Variants in FER1L6 observed in about 807,000 individuals in gnomAD.
FER1L6 encodes fer-1 like family member 6.
FER1L6 carries 177 observed loss-of-function variants against 219.2 expected under a neutral mutation model. That is an observed-to-expected ratio of 0.81 (90% confidence interval 0.71 to 0.91). The LOEUF is 0.91. Among genes scored for constraint, FER1L6 ranks in the 40% least tolerant of loss-of-function variants. The pLI is 0.00. For synonymous variants in FER1L6, 768 were observed against 824.3 expected, an observed-to-expected ratio of 0.93 and a Z score of 1.17; for missense variants, 2,153 against 2,259.9, an observed-to-expected ratio of 0.95 and a Z score of 0.96.
At chr8:124,055,658 G>A (rs1485477351) in intron 22 of FER1L6, among the ~76,000 whole-genome samples, 1 of 151,854 alleles carries the variant, frequency 6.6e-6, no homozygotes, top group African/African-American at 2.4e-5. Flanking sequence ...TGTCCTTCTG[G>A]AAAGTCCACC....
chr8:124,066,556 G>C lies in FER1L6; in HGVS notation c.3678+6G>C. ...CCCTGAAGAAAGCCCAGAAGGTAGA[G>C]TCTCCCCTACCTGTGGCAGTTAAGA... On this transcript the variant is annotated splice_donor_region_variant and intron_variant, in intron 27 of 40. Coordinates refer to ENST00000522917, the MANE Select transcript of FER1L6 (RefSeq NM_001039112.2). The C allele has an allele frequency of 6.2e-7, 1 of 1,613,384 alleles. No homozygotes were observed. Among genetic ancestry groups the C allele is most frequent in the Non-Finnish European group, 8.5e-7 (1 of 1,179,686 alleles).
chr8:123,852,089 G>A lies in FER1L6; in HGVS notation c.-104G>A, dbSNP rs918827358. ...ACACCGTGAGACCAGTGAATTCCAC[G>A]AGCACGAACCCACTGCTGCGCTTCA... is the stretch of plus-strand genomic sequence containing the variant. On this transcript the variant is annotated 5_prime_UTR_variant, in exon 1 of 41. Coordinates refer to ENST00000522917, the MANE Select transcript of FER1L6 (RefSeq NM_001039112.2). This position sits in a 1 kb window ranked among gnomAD's most constrained non-coding sequence, Gnocchi z 4.9. The A allele has an allele frequency of 1.3e-5, 2 of 152,186 alleles. No homozygotes were observed. The highest frequency in any genetic ancestry group is 2.9e-5 in the Non-Finnish European group (2 of 68,044). 9.4% of individuals were successfully genotyped at this position (152,186 alleles called of 1,614,324 possible). A position where few individuals can be genotyped will look rare whatever the true frequency, so the allele number is the denominator to read the frequency against.
intron 1 of FER1L6, among the ~76,000 whole-genome samples, chr8:123,898,667 A>ATACGTATATATATACATATATG (rs1812791133): frequency 7.2e-6 from 1 of 139,020 alleles, no homozygotes; most frequent in Non-Finnish European, 1.5e-5. Flanking sequence ...ATGTATATAT[A>ATACGTATATATATACATATATG]TACGTATATA....
chr8:124,013,522 G>T lies in FER1L6; in HGVS notation c.1913G>T (p.Ser638Ile). 6.2e-7 allele frequency: 1 copy of T among 1,603,262 alleles called. No homozygotes were observed. Among genetic ancestry groups the T allele is most frequent in the East Asian group, 2.2e-5 (1 of 44,534 alleles). ...KMKTVLSDFI[S>I]RSSAFISEAE... ...AAAACAGTGCTCAGTGACTTCATCAGTCGGAGCAGGTACCGGGAGAGACAG... is the reference window on the plus strand; with the variant it reads ...AAAACAGTGCTCAGTGACTTCATCATTCGGAGCAGGTACCGGGAGAGACAG... Residue 638 changes from serine (S) to isoleucine (I), a missense_variant, in exon 15 of 41, where the codon AGT becomes ATT. Coordinates refer to ENST00000522917, the MANE Select transcript of FER1L6 (RefSeq NM_001039112.2).
chr8:124,021,423 C>A, intron 16 of FER1L6, 127 bp from the exon 17 acceptor site: 1 of 1,299,306 alleles, frequency 7.7e-7, no homozygotes, highest in Middle Eastern at 2.2e-4. Flanking sequence ...GGTGGCAGAC[C>A]CTGGAACAGT....
intron 39 of FER1L6, among the ~76,000 whole-genome samples, chr8:124,116,239 G>A (rs946350733): frequency 1.3e-5 from 2 of 152,194 alleles, no homozygotes; most frequent in African/African-American, 4.8e-5. Context: ...CATCTACTTT[G>A]TCAGCTAGCC....
chr8:123,973,092 G>A (rs909136223), intron 6 of FER1L6, among the ~76,000 whole-genome samples: 1 of 152,136 alleles, frequency 6.6e-6, no homozygotes, highest in Non-Finnish European at 1.5e-5. Context: ...CAGTTTGGGG[G>A]GACTGAATGG....
chr8:123,960,562 G>A (rs1174805396), intron 2 of FER1L6, among the ~76,000 whole-genome samples: 1 of 152,154 alleles, frequency 6.6e-6, no homozygotes, highest in Non-Finnish European at 1.5e-5. Context: ...CTTAGAAGAA[G>A]GCAGATGTAT....
chr8:123,883,086 C>CA (rs1268504223), intron 1 of FER1L6, among the ~76,000 whole-genome samples: 2 of 151,882 alleles, frequency 1.3e-5, no homozygotes, highest in Non-Finnish European at 2.9e-5. Flanking sequence ...ACCACTACAA[C>CA]AAAAAAACCC....
intron 1 of FER1L6, among the ~76,000 whole-genome samples, chr8:123,934,763 G>T (rs6998571): frequency 0.19 from 28,808 of 151,974 alleles, 2,938 homozygotes; most frequent in Middle Eastern, 0.22. Flanking sequence ...CCACGTGTTG[G>T]GGGGGAGGGG....
intron 1 of FER1L6, among the ~76,000 whole-genome samples, chr8:123,954,340 T>C (rs1316221039): frequency 6.6e-6 from 1 of 152,178 alleles, no homozygotes; most frequent in East Asian, 1.9e-4. Flanking sequence ...TCTGCTTGCA[T>C]GCCTCCAGGA....
intron 31 of FER1L6, among the ~76,000 whole-genome samples, chr8:124,074,662 A>G (rs1209305499): frequency 2.6e-5 from 4 of 152,036 alleles, no homozygotes; most frequent in South Asian, 2.1e-4. Context: ...AAAAAAAAAA[A>G]AAAAGAAAAA....
At chr8:124,060,760 A>G in intron 24 of FER1L6, 51 bp downstream of exon 24, 1 of 1,580,210 alleles carries the variant, frequency 6.3e-7, no homozygotes, top group East Asian at 2.3e-5. Context: ...TTTTGCACAG[A>G]TGAGATGTTT....
chr8:123,942,972 G>C (rs1158582514), intron 1 of FER1L6, among the ~76,000 whole-genome samples: 5 of 152,152 alleles, frequency 3.3e-5, no homozygotes, highest in Non-Finnish European at 7.4e-5. Flanking sequence ...CCATAGAGTG[G>C]AGGCAGCAGG....
chr8:124,052,020 C>A (rs987340607), intron 22 of FER1L6, among the ~76,000 whole-genome samples: 1 of 152,162 alleles, frequency 6.6e-6, no homozygotes, highest in African/African-American at 2.4e-5. Flanking sequence ...ACAATGACTG[C>A]AGCCTAGGAG....
chr8:124,030,798 T>G (rs1243747093), intron 18 of FER1L6, among the ~76,000 whole-genome samples: 1 of 152,000 alleles, frequency 6.6e-6, no homozygotes, highest in Non-Finnish European at 1.5e-5. Flanking sequence ...CAAACCTCAC[T>G]CTCACTAATA....
chr8:124,035,237 T>C (rs1217503427), intron 18 of FER1L6, 40 bp from the exon 19 acceptor site: 4 of 1,589,120 alleles, frequency 2.5e-6, no homozygotes, highest in Non-Finnish European at 3.4e-6. Flanking sequence ...TATAATTATC[T>C]CCTACTAATA....
intron 2 of FER1L6, among the ~76,000 whole-genome samples, chr8:123,959,873 TCC>T (rs1325082943): frequency 4.5e-4 from 69 of 152,316 alleles, no homozygotes; most frequent in African/African-American, 1.5e-3. Context: ...ATACTGAAGT[TCC>T]ATATCAAGTT....
At position 123,876,231 on chromosome 8, in the gene FER1L6, C is replaced by T. The variant is rs550187437; in HGVS notation, c.-8+24046C>T. 1.2e-4 allele frequency among the ~76,000 whole-genome samples: 19 copies of T among 152,280 alleles called. No homozygotes were observed. In the South Asian group the frequency reaches 3.7e-3, roughly 30 times the overall value. ...AGCAAGCTCCTTTCTCAGGGCCTTG[C>T]ACTGGCTCATTTCTCTTTCTGAGAT... On this transcript the variant is annotated intron_variant, in intron 1 of 40. Transcript: ENST00000522917.
Sources: gnomAD v4.1 joint callset for allele counts (sites outside exome capture counted in the v4.1 genomes callset) on GRCh38, gnomAD v4.1.1 for gene constraint, Gnocchi (gnomAD v3.1) non-coding constraint, MANE v1.5 for transcripts, NCBI Gene and HGNC (gene_info 2026-07-23, HGNC 2026-07-21) for gene names.